PDZRN4: variants seen among roughly 807,000 people sequenced by gnomAD.
PDZRN4 encodes the protein PDZ domain-containing RING finger protein 4.
In PDZRN4, 70 loss-of-function variants were observed where a neutral mutation model predicts 99.0. That is an observed-to-expected ratio of 0.71 (90% CI 0.58 to 0.86). The LOEUF (loss-of-function observed/expected upper bound fraction) is 0.86, where lower values mean the gene tolerates loss of function less well. Among genes scored for constraint, PDZRN4 ranks in the 40% least tolerant of loss-of-function variants. PDZRN4 has a pLI of 0.00. For synonymous variants in PDZRN4, 551 were observed against 501.6 expected, an observed-to-expected ratio of 1.10 and a Z score of -1.32; for missense variants, 1,474 against 1,331.2, an observed-to-expected ratio of 1.11 and a Z score of -1.67.
chr12:41,216,294 T>C (rs1950920417), intron 3 of PDZRN4, among the ~76,000 whole-genome samples: 1 of 152,016 alleles, frequency 6.6e-6, no homozygotes, highest in Non-Finnish European at 1.5e-5. Flanking sequence ...GCAATCATTA[T>C]GCAAATTCTT....
At chr12:41,428,826 T>TA (rs1952562051) in intron 3 of PDZRN4, among the ~76,000 whole-genome samples, 1 of 152,058 alleles carries the variant, frequency 6.6e-6, no homozygotes, top group African/African-American at 2.4e-5. Flanking sequence ...GAGAAGATGA[T>TA]ATCCTGAATC....
At chr12:41,282,812 TC>T (rs1356154072) in intron 3 of PDZRN4, among the ~76,000 whole-genome samples, 4 of 152,178 alleles carry the variant, frequency 2.6e-5, no homozygotes, top group Non-Finnish European at 5.9e-5. Flanking sequence ...ATAAATAAGT[TC>T]TTTGAAACCA....
chr12:41,297,800 G>T (rs865901914), intron 3 of PDZRN4, among the ~76,000 whole-genome samples: 6 of 151,948 alleles, frequency 3.9e-5, no homozygotes, highest in South Asian at 2.1e-4. Context: ...TTTAGTTGGG[G>T]TAAAAGAACA....
At chr12:41,418,997 G>A (rs1292956031) in intron 3 of PDZRN4, among the ~76,000 whole-genome samples, 1 of 152,144 alleles carries the variant, frequency 6.6e-6, no homozygotes, top group Non-Finnish European at 1.5e-5. Context: ...TTCAGATTAA[G>A]GCTATGTAAC....
chr12:41,188,744 C>T lies in PDZRN4; in HGVS notation c.289C>T (p.Leu97=). 6.6e-7 allele frequency: 1 copy of T among 1,512,160 alleles called. No homozygotes were observed. The highest frequency in any genetic ancestry group is 1.3e-5 in the South Asian group (1 of 79,546). The allele number at this position is 1,512,160 out of a possible 1,614,324, so 93.7% of individuals were successfully genotyped here. A position where few individuals can be genotyped will look rare whatever the true frequency, so the allele number is the denominator to read the frequency against. ...CGGCCACTCGGTCAGGCTGCACGAG[C>T]TGGAGGCGCACGTCGAGCACTGCGA... ...GCGHSVRLHE[L]EAHVEHCDFG... is the part of the protein sequence containing the mutation. The change falls in exon 1 of 10, where the codon CTG becomes TTG. Residue 97 remains leucine, a synonymous_variant. Transcript: ENST00000402685.
chr12:41,471,707 GTAA>G (rs1446261771), intron 3 of PDZRN4, among the ~76,000 whole-genome samples: 7 of 148,670 alleles, frequency 4.7e-5, no homozygotes, highest in South Asian at 4.4e-4. Context: ...GATGAACTAT[GTAA>G]TAATAATAAT....
intron 8 of PDZRN4, among the ~76,000 whole-genome samples, chr12:41,567,536 G>A (rs999515804): frequency 2.0e-5 from 3 of 151,956 alleles, no homozygotes; most frequent in African/African-American, 7.2e-5. Flanking sequence ...TCTGTGCTGT[G>A]AGATTTACTT....
chr12:41,491,296 G>A (rs1324857359), intron 3 of PDZRN4, among the ~76,000 whole-genome samples: 1 of 152,156 alleles, frequency 6.6e-6, no homozygotes, highest in Non-Finnish European at 1.5e-5. Flanking sequence ...GCCGAGGAGG[G>A]CAGATCATGA....
At chr12:41,557,638 C>G (rs958955011) in intron 7 of PDZRN4, among the ~76,000 whole-genome samples, 2 of 152,098 alleles carry the variant, frequency 1.3e-5, no homozygotes, top group African/African-American at 4.8e-5. Context: ...ATCACACCAT[C>G]TCCTCACCGC....
chr12:41,525,977 A>T (rs1938561687), intron 5 of PDZRN4, among the ~76,000 whole-genome samples: 1 of 152,162 alleles, frequency 6.6e-6, no homozygotes, highest in African/African-American at 2.4e-5. Flanking sequence ...TTCTCAACCC[A>T]TTGAAATCTG....
intron 3 of PDZRN4, among the ~76,000 whole-genome samples, chr12:41,485,583 T>C (rs1001572105): frequency 6.6e-6 from 1 of 152,146 alleles, no homozygotes; most frequent in Non-Finnish European, 1.5e-5. Context: ...AGTCCTGCTC[T>C]GTTTTATTTC....
chr12:41,339,477 A>G (rs1301050803), intron 3 of PDZRN4, among the ~76,000 whole-genome samples: 1 of 152,154 alleles, frequency 6.6e-6, no homozygotes, highest in Non-Finnish European at 1.5e-5. Context: ...CGACTACAAG[A>G]AAACATTGGA....
chr12:41,385,898 T>C (rs1443384099), intron 3 of PDZRN4, among the ~76,000 whole-genome samples: 1 of 152,022 alleles, frequency 6.6e-6, no homozygotes, highest in Non-Finnish European at 1.5e-5. Flanking sequence ...TCGATGAACA[T>C]ACATACAAAA....
At chr12:41,448,415 A>C (rs1471162) in intron 3 of PDZRN4, among the ~76,000 whole-genome samples, 77,201 of 151,666 alleles carry the variant, frequency 0.51, 20,106 homozygotes, top group African/African-American at 0.64. Context: ...CGGAGTTTTC[A>C]CTGAGTCCAG....
intron 3 of PDZRN4, among the ~76,000 whole-genome samples, chr12:41,369,860 C>A (rs1000730385): frequency 3.3e-5 from 5 of 151,786 alleles, no homozygotes; most frequent in Non-Finnish European, 5.9e-5. Context: ...CCCATCAATT[C>A]TTCTATACCA....
intron 3 of PDZRN4, among the ~76,000 whole-genome samples, chr12:41,206,051 G>A (rs906701941): frequency 4.0e-5 from 6 of 151,884 alleles, no homozygotes; most frequent in African/African-American, 7.2e-5. Context: ...TAGTATTGTA[G>A]CATTTCACTA....
intron 3 of PDZRN4, among the ~76,000 whole-genome samples, chr12:41,264,079 TA>T (rs1220064522): frequency 6.6e-6 from 1 of 152,138 alleles, no homozygotes; most frequent in Non-Finnish European, 1.5e-5. Flanking sequence ...TTTACCAATT[TA>T]AGGAAAGAGA....
At chr12:41,559,203 AC>A in intron 7 of PDZRN4, among the ~76,000 whole-genome samples, 1 of 151,754 alleles carries the variant, frequency 6.6e-6, no homozygotes, top group East Asian at 1.9e-4. Flanking sequence ...ACACACACAC[AC>A]ACGTGCTGTC....
At chr12:41,408,080 A>T (rs1310643098) in intron 3 of PDZRN4, among the ~76,000 whole-genome samples, 1 of 152,214 alleles carries the variant, frequency 6.6e-6, no homozygotes. Flanking sequence ...ACACTTAATA[A>T]TTACCTTGAC....
Sources: gnomAD v4.1 joint callset for allele counts (sites outside exome capture counted in the v4.1 genomes callset) on GRCh38, gnomAD v4.1.1 for gene constraint, MANE v1.5 for transcripts, NCBI Gene and HGNC (gene_info 2026-07-23, HGNC 2026-07-21) for gene names.